The following SYNPO variants were observed in gnomAD, a reference collection of about 807,000 sequenced individuals.
The protein encoded by SYNPO is synaptopodin.
SYNPO carries 19 observed loss-of-function variants against 49.5 expected under a neutral mutation model. That is an observed-to-expected ratio of 0.38 (90% CI 0.27 to 0.56). The LOEUF (loss-of-function observed/expected upper bound fraction) is 0.56. SYNPO is among the 20% of genes least tolerant of loss of function. The pLI is 0.68. For synonymous variants in SYNPO, 536 were observed against 548.0 expected, an observed-to-expected ratio of 0.98 and a Z score of 0.31; for missense variants, 1,131 against 1,248.3, an observed-to-expected ratio of 0.91 and a Z score of 1.42.
chr5:150,607,077 G>C (rs970245116), intron 1 of SYNPO, among the ~76,000 whole-genome samples: 1 of 152,074 alleles, frequency 6.6e-6, no homozygotes, highest in Non-Finnish European at 1.5e-5. Flanking sequence ...ACTTGAGTCT[G>C]GGCTCCAGTC....
At chr5:150,598,216 C>A (rs78106886), upstream of SYNPO, among the ~76,000 whole-genome samples, 3 of 152,078 alleles carry the variant, frequency 2.0e-5, no homozygotes, top group Non-Finnish European at 2.9e-5. Context: ...TGGCATCCAG[C>A]GCAGCAAATG....
At position 150,616,257 on chromosome 5, in the gene SYNPO, G is replaced by A. The variant is rs574440771; in HGVS notation, c.-265-1846G>A. On this transcript the variant is annotated intron_variant, in intron 1 of 2. Transcript: ENST00000394243. ...CTGACCCCTGCTTGGGGGCGGAGGC[G>A]TGACCACAGCAGCTGAGGTCAGTCC... Among the ~76,000 whole-genome samples, 10 of 152,306 alleles carry A rather than the reference G, an allele frequency of 6.6e-5. No homozygotes were observed. The South Asian group carries it at 8.3e-4, about 13-fold the overall frequency.
upstream of SYNPO, among the ~76,000 whole-genome samples, chr5:150,600,370 A>G (rs1412519644): frequency 6.6e-6 from 1 of 152,230 alleles, no homozygotes; most frequent in Non-Finnish European, 1.5e-5. Context: ...CCCACACAAC[A>G]GCCCTCCCTC....
intron 1 of SYNPO, among the ~76,000 whole-genome samples, chr5:150,610,577 C>T (rs1277358698): frequency 2.0e-5 from 3 of 152,216 alleles, no homozygotes; most frequent in East Asian, 3.8e-4. Flanking sequence ...ATATTCAATA[C>T]GTGGTAGCTC....
intron 2 of SYNPO, chr5:150,651,691 A>G: frequency 1.0e-6 from 1 of 1,000,658 alleles, no homozygotes; most frequent in African/African-American, 1.7e-5. Flanking sequence ...GGGAAGGGAC[A>G]GAGGAGATCT....
rs1010500714 is a variant in SYNPO at position 150,650,007 on chromosome 5, A to G, written c.1732A>G (p.Lys578Glu). The G allele has an allele frequency of 1.2e-6, 2 of 1,612,320 alleles. No individual in the cohort carries two copies. Among genetic ancestry groups the G allele is most frequent in the African/African-American group, 1.3e-5 (1 of 74,874 alleles). The part of the protein sequence containing the change: ...RPSLFVLSPI[K>E]EPAKVSPRAA... ...CTCGCTCTTTGTCCTCTCACCTATC[A>G]AGGAGCCTGCCAAGGTCTCACCAAG... is the stretch of plus-strand genomic sequence containing the variant. Residue 578 changes from lysine (K) to glutamate (E), a missense_variant, in exon 2 of 3, where the codon AAG becomes GAG. Physicochemically the swap from Lys to Glu is moderately conservative, Grantham distance 56 (BLOSUM62 1). This residue lies in a region of SYNPO where 509 missense variants were observed against 484.5 expected (regional missense o/e 1.05). Transcript: ENST00000307662.
At chr5:150,627,268 G>C (rs1277372525) in intron 2 of SYNPO, among the ~76,000 whole-genome samples, 1 of 152,198 alleles carries the variant, frequency 6.6e-6, no homozygotes, top group African/African-American at 2.4e-5. Context: ...TGCAGGCTCT[G>C]GTCCCCATTG....
At chr5:150,640,145 C>G (rs1314171554), upstream of SYNPO, 2 of 985,192 alleles carry the variant, frequency 2.0e-6, no homozygotes, top group East Asian at 1.1e-4. Flanking sequence ...GTGAGTATAC[C>G]CTGAAAGATT....
intron 2 of SYNPO, chr5:150,618,876 C>A: frequency 7.3e-7 from 1 of 1,374,894 alleles, no homozygotes; most frequent in Non-Finnish European, 9.9e-7. Flanking sequence ...AGTAATTCAT[C>A]ACAGTCCCAT....
chr5:150,646,119 C>A (rs1251948600), intron 1 of SYNPO, among the ~76,000 whole-genome samples: 1 of 151,184 alleles, frequency 6.6e-6, no homozygotes, highest in African/African-American at 2.4e-5. Context: ...CACTTGGGCC[C>A]AGGAGTTTGA....
At position 150,656,878 on chromosome 5, in the gene SYNPO, T is replaced by C. The variant is rs1758588955; in HGVS notation, c.2503T>C (p.Cys835Arg). 1 of 1,576,038 alleles carries C rather than the reference T, an allele frequency of 6.3e-7. No individual in the cohort carries two copies. The highest frequency in any genetic ancestry group is 8.6e-7 in the Non-Finnish European group (1 of 1,162,718). Residue 835 changes from cysteine to arginine, a missense_variant, in exon 3 of 3, where the codon TGC becomes CGC. Cys to Arg is a radical substitution (Grantham distance 180). This residue lies in a region of SYNPO where 509 missense variants were observed against 484.5 expected (regional missense o/e 1.05). Transcript: ENST00000307662. ...CCCGTTGCCCGCCGGTCCTTCGTCC[T>C]GCACCAGTCCCCGGAGCCCGCTGCC... ...RSPLPAGPSS[C>R]TSPRSPLPAP...
In SYNPO at chr5:150,656,934, C is replaced by G; in HGVS notation, c.2559C>G (p.Arg853=). The G allele has an allele frequency of 6.3e-7, 1 of 1,581,848 alleles. No individual in the cohort carries two copies. Residue 853 remains arginine (R), a synonymous_variant, in exon 3 of 3, where the codon CGC becomes CGG. Transcript: ENST00000307662. ...CTCCCAGGCCCTTCCTCTACCGCCG[C>G]TCGCCCACGGACTCCGACGTGTCCC... ...PAPPRPFLYR[R]SPTDSDVSLD... is the part of the protein sequence containing the mutation.
intron 1 of SYNPO, among the ~76,000 whole-genome samples, chr5:150,647,485 G>A (rs1320391887): frequency 6.6e-6 from 1 of 152,228 alleles, no homozygotes; most frequent in African/African-American, 2.4e-5. Flanking sequence ...ATTATTCCAA[G>A]GAGAGCGAGC....
In SYNPO at chr5:150,648,220, G is replaced by C. The variant is rs752451143; in HGVS notation, c.-56G>C. On this transcript the variant is annotated 5_prime_UTR_variant, in exon 2 of 3. Coordinates refer to ENST00000307662, the MANE Select transcript of SYNPO (RefSeq NM_007286.6). This position sits in a 1 kb window ranked among gnomAD's most constrained non-coding sequence, Gnocchi z 5.0. The stretch of plus-strand genomic sequence containing the variant: ...AGTTCCACCTCGCTGCCGGAGCCAG[G>C]CCCTCCACGGCACCCCAGTCCCCAG... The C allele has an allele frequency of 6.2e-7, 1 of 1,609,170 alleles. No individual in the cohort carries two copies. The highest frequency in any genetic ancestry group is 1.3e-5 in the African/African-American group (1 of 74,952).
chr5:150,618,509 G>A, exon 2 of SYNPO: 2 of 1,551,320 alleles, frequency 1.3e-6, no homozygotes, highest in Non-Finnish European at 1.7e-6. Flanking sequence ...GGGCCTGCAG[G>A]GAGAGGTGGG....
intron 1 of SYNPO, among the ~76,000 whole-genome samples, chr5:150,609,794 G>C (rs1011201837): frequency 6.6e-6 from 1 of 151,642 alleles, no homozygotes; most frequent in Non-Finnish European, 1.5e-5. Flanking sequence ...GGCGGGGGGG[G>C]GCAGTGTGGA....
chr5:150,651,881 G>A (rs1758400274), intron 2 of SYNPO: 6 of 1,000,492 alleles, frequency 6.0e-6, no homozygotes, highest in Non-Finnish European at 7.2e-6. Context: ...ACCAAACCAG[G>A]CTTTGTGGGG....
exon 2 of SYNPO, chr5:150,618,524 A>G: frequency 6.4e-7 from 1 of 1,551,096 alleles, no homozygotes; most frequent in Non-Finnish European, 8.7e-7. Flanking sequence ...GGTGGGGCCT[A>G]CCGACCTGGA....
intron 1 of SYNPO, among the ~76,000 whole-genome samples, chr5:150,641,440 C>T (rs1757903142): frequency 6.6e-6 from 1 of 152,246 alleles, no homozygotes; most frequent in African/African-American, 2.4e-5. Flanking sequence ...TCCCACCCCG[C>T]CCCACCTGAC....
Sources: allele counts gnomAD v4.1 joint callset (sites outside exome capture counted in the v4.1 genomes callset), GRCh38; gene constraint gnomAD v4.1.1; regional missense constraint gnomAD v4.1.1; non-coding constraint Gnocchi (gnomAD v3.1); transcripts MANE v1.5; gene names NCBI Gene and HGNC (gene_info 2026-07-23, HGNC 2026-07-21).